KANK1: variants seen among roughly 807,000 people sequenced by gnomAD.
The protein encoded by KANK1 is KN motif and ankyrin repeat domain-containing protein 1.
In KANK1, 109 loss-of-function variants were observed where a neutral mutation model predicts 106.2. That is an observed-to-expected ratio of 1.03 (90% CI 0.88 to 1.20). The LOEUF (loss-of-function observed/expected upper bound fraction) is 1.20. Among genes scored for constraint, KANK1 ranks in the 50% most tolerant of loss-of-function variants. KANK1 has a pLI of 0.00. For missense variants in KANK1, 2,399 were observed against 1,710.7 expected (o/e 1.40, Z -7.10); for synonymous variants, 873 against 652.2 (o/e 1.34, Z -5.16).
At chr9:563,768 G>C (rs1270136096) in intron 1 of KANK1, among the ~76,000 whole-genome samples, 4 of 152,098 alleles carry the variant, frequency 2.6e-5, no homozygotes, top group Admixed American at 1.3e-4. Context: ...GAAATGTTTA[G>C]GGACCACTGA....
At chr9:597,601 C>A (rs1307273617) in intron 1 of KANK1, among the ~76,000 whole-genome samples, 1 of 151,492 alleles carries the variant, frequency 6.6e-6, no homozygotes, top group Non-Finnish European at 1.5e-5. Flanking sequence ...GGATACTAGA[C>A]CCTTAATAGA....
At chr9:582,431 A>G (rs972418301) in intron 1 of KANK1, among the ~76,000 whole-genome samples, 2 of 152,120 alleles carry the variant, frequency 1.3e-5, no homozygotes, top group East Asian at 1.9e-4. Context: ...TTTTCTGGCA[A>G]TGGGTAGTCT....
At chr9:705,333 A>T (rs1224725412) in intron 2 of KANK1, among the ~76,000 whole-genome samples, 1 of 152,006 alleles carries the variant, frequency 6.6e-6, no homozygotes, top group Non-Finnish European at 1.5e-5. Context: ...TAAAAATACA[A>T]AAAGTAGCTG....
At chr9:707,254 G>A (rs537217983) in intron 2 of KANK1, 7 of 985,192 alleles carry the variant, frequency 7.1e-6, no homozygotes, top group African/African-American at 1.7e-5. Flanking sequence ...CGTGGTAGGT[G>A]AGCTGCGAGC....
intron 1 of KANK1, among the ~76,000 whole-genome samples, chr9:610,152 C>T (rs1381628678): frequency 6.6e-6 from 1 of 152,154 alleles, no homozygotes; most frequent in Admixed American, 6.6e-5. Context: ...TAATAAGTTA[C>T]TTCCTTGCGA....
intron 3 of KANK1, among the ~76,000 whole-genome samples, chr9:489,616 C>G (rs1468579234): frequency 6.6e-6 from 1 of 152,130 alleles, no homozygotes; most frequent in Non-Finnish European, 1.5e-5. Context: ...TAGCAGATTG[C>G]TTAACTTCAC....
chr9:741,685 C>T (rs184090869), intron 9 of KANK1, among the ~76,000 whole-genome samples: 1 of 152,168 alleles, frequency 6.6e-6, no homozygotes, highest in Non-Finnish European at 1.5e-5. Flanking sequence ...GACAAGGTTT[C>T]ACCGTGTTAG....
Position 742,215 on chromosome 9 carries a change from CG to C in KANK1, c.3709del (p.Ala1237ProfsTer11), listed in dbSNP as rs758879616. 10 of 1,614,038 alleles carry C rather than the reference CG, an allele frequency of 6.2e-6. No individual in the cohort carries two copies. The Admixed American group carries it at 1.2e-4, about 19-fold the overall frequency. The part of the protein sequence containing the change: ...VNAKASQAGQ[T>X]ALMLAVSHGR... ...CATCTCTTCCCATAGGCGGGACAGA[CG>C]GCCCTCATGCTGGCGGTCAGTCACG... On this transcript the variant is annotated frameshift_variant, in exon 10 of 12. Coordinates refer to ENST00000382297, the MANE Select transcript of KANK1 (RefSeq NM_015158.5). LOFTEE classifies it high-confidence loss of function.
chr9:651,132 ATTG>A (rs1840797884), intron 1 of KANK1, among the ~76,000 whole-genome samples: 1 of 152,082 alleles, frequency 6.6e-6, no homozygotes, highest in Non-Finnish European at 1.5e-5. Context: ...AACCCCTTCA[ATTG>A]TTAAAGCATA....
At chr9:627,496 C>G (rs980485859) in intron 1 of KANK1, among the ~76,000 whole-genome samples, 7 of 152,146 alleles carry the variant, frequency 4.6e-5, no homozygotes, top group Admixed American at 2.0e-4. Context: ...TCCTGGGGAC[C>G]TAGAATTTAA....
intron 3 of KANK1, among the ~76,000 whole-genome samples, chr9:499,272 A>G (rs2132435531): frequency 6.6e-6 from 1 of 152,336 alleles, no homozygotes; most frequent in Admixed American, 6.5e-5. Flanking sequence ...ATGTTTATTC[A>G]AAAACATGCA....
intron 1 of KANK1, among the ~76,000 whole-genome samples, chr9:592,003 TC>T (rs1825019799): frequency 6.6e-6 from 1 of 151,720 alleles, no homozygotes; most frequent in Non-Finnish European, 1.5e-5. Context: ...TGTTTCCCCC[TC>T]CAGCCTGTAA....
chr9:582,068 CCA>C (rs1274158474), intron 1 of KANK1, among the ~76,000 whole-genome samples: 1 of 152,112 alleles, frequency 6.6e-6, no homozygotes, highest in Admixed American at 6.5e-5. Flanking sequence ...TCCCCCTGCC[CCA>C]GAGTTGGTAA....
intron 2 of KANK1, among the ~76,000 whole-genome samples, chr9:709,897 G>T (rs1467539216): frequency 6.6e-6 from 1 of 152,156 alleles, no homozygotes; most frequent in South Asian, 2.1e-4. Context: ...GATTACAGGA[G>T]TGAGCACCGT....
intron 1 of KANK1, among the ~76,000 whole-genome samples, chr9:602,906 A>G (rs1245460897): frequency 6.6e-6 from 1 of 151,848 alleles, no homozygotes; most frequent in African/African-American, 2.4e-5. Context: ...TTGAAGAGCT[A>G]TTTCTGTGAA....
intron 5 of KANK1, 162 bp downstream of exon 5, chr9:731,428 C>T (rs1412189157): frequency 1.7e-5 from 9 of 520,388 alleles, no homozygotes; most frequent in Non-Finnish European, 2.8e-5. Flanking sequence ...TTGCTTTCCT[C>T]CTCTGGTGCT....
intron 1 of KANK1, among the ~76,000 whole-genome samples, chr9:651,692 G>T (rs2361097): frequency 0.18 from 27,594 of 152,112 alleles, 2,760 homozygotes; most frequent in East Asian, 0.32. Flanking sequence ...TTACACATCA[G>T]GCTCCATATA....
chr9:627,873 A>T (rs1190447439), intron 1 of KANK1, among the ~76,000 whole-genome samples: 1 of 152,216 alleles, frequency 6.6e-6, no homozygotes, highest in Non-Finnish European at 1.5e-5. Context: ...AGATGCTGGC[A>T]GTATTTATAT....
At chr9:566,729 T>A (rs910479165) in intron 1 of KANK1, among the ~76,000 whole-genome samples, 1 of 152,188 alleles carries the variant, frequency 6.6e-6, no homozygotes, top group Non-Finnish European at 1.5e-5. Flanking sequence ...AAATTTAAGT[T>A]CCGTGTAGGT....
Sources: allele counts gnomAD v4.1 joint callset (sites outside exome capture counted in the v4.1 genomes callset), GRCh38; gene constraint gnomAD v4.1.1; transcripts MANE v1.5; gene names NCBI Gene and HGNC (gene_info 2026-07-23, HGNC 2026-07-21).